PRIM2: variants seen among roughly 807,000 people sequenced by gnomAD.
PRIM2 encodes DNA primase subunit 2, also known as DNA primase large subunit.
In PRIM2, 39 loss-of-function variants were observed where a neutral mutation model predicts 67.3. That is an observed-to-expected ratio of 0.58 (90% CI 0.45 to 0.76). PRIM2 has a LOEUF of 0.76. Ranked by LOEUF, PRIM2 falls within the 30% of genes least tolerant of loss-of-function variation. The probability of loss-of-function intolerance (pLI) is 0.00; values close to 1 mark genes in which losing one functional copy is unlikely to be tolerated. For missense variants in PRIM2, 398 were observed against 598.7 expected (o/e 0.66, Z 3.50); for synonymous variants, 143 against 198.7 (o/e 0.72, Z 2.36).
rs569862305 is a variant in PRIM2 at position 57,397,186 on chromosome 6, G to C, written c.693+15018G>C. ...GTGATGGATTTCCTGGGTATTCTTT[G>C]TGCTTCTTATATTTGGATGTCTAGG... is the stretch of plus-strand genomic sequence containing the variant. On this transcript the variant is annotated intron_variant, in intron 7 of 13. Coordinates refer to ENST00000615550, the MANE Select transcript of PRIM2 (RefSeq NM_000947.5). Among the ~76,000 whole-genome samples, 81 of 152,232 alleles carry C rather than the reference G, an allele frequency of 5.3e-4. 1 individual carries two copies. In the South Asian group the frequency reaches 0.017, roughly 31 times the overall value.
At chr6:57,298,029 A>G in the PRIM2 span, among the ~76,000 whole-genome samples, 1 of 152,162 alleles carries the variant, frequency 6.6e-6, no homozygotes, top group African/African-American at 2.4e-5. Flanking sequence ...CTCACTTTTT[A>G]TACACCTGAA....
chr6:57,571,508 G>A (rs1331142899), intron 10 of PRIM2, among the ~76,000 whole-genome samples: 12 of 151,986 alleles, frequency 7.9e-5, no homozygotes, highest in Non-Finnish European at 1.0e-4. Flanking sequence ...AAAATTAGCC[G>A]GGCATGGTGG....
intron 7 of PRIM2, among the ~76,000 whole-genome samples, chr6:57,500,979 A>G (rs1178255539): frequency 6.6e-5 from 10 of 152,350 alleles, no homozygotes; most frequent in Admixed American, 6.5e-4. Context: ...GATTGAATCC[A>G]AGGAAAGGAT....
At chr6:57,621,165 A>G (rs1776846407) in intron 12 of PRIM2, among the ~76,000 whole-genome samples, 2 of 152,232 alleles carry the variant, frequency 1.3e-5, no homozygotes, top group Admixed American at 1.3e-4. Context: ...TTTATTTCTC[A>G]CAGTTATAGA....
intron 11 of PRIM2, among the ~76,000 whole-genome samples, chr6:57,606,123 A>C (rs1419924983): frequency 5.3e-5 from 8 of 152,342 alleles, no homozygotes; most frequent in Admixed American, 5.2e-4. Context: ...CTTCCTGTTG[A>C]ATGGACATCT....
intron 7 of PRIM2, among the ~76,000 whole-genome samples, chr6:57,389,817 A>G (rs1770270905): frequency 6.6e-6 from 1 of 152,076 alleles, no homozygotes; most frequent in Admixed American, 6.6e-5. Context: ...GATTAAATAT[A>G]ATTAATTTTC....
chr6:57,466,629 G>A (rs1359745550), intron 7 of PRIM2, among the ~76,000 whole-genome samples: 1 of 152,200 alleles, frequency 6.6e-6, no homozygotes, highest in Non-Finnish European at 1.5e-5. Context: ...CTTTTGAGAA[G>A]TGTCTGTTCA....
chr6:57,555,325 G>T (rs1445280365), intron 10 of PRIM2, among the ~76,000 whole-genome samples: 14 of 152,062 alleles, frequency 9.2e-5, no homozygotes, highest in African/African-American at 3.4e-4. Flanking sequence ...TGTCATCCAG[G>T]CGGGAGCGCA....
At position 57,646,188 on chromosome 6, in the gene PRIM2, C is replaced by A; in HGVS notation, c.*30C>A. The stretch of plus-strand genomic sequence containing the variant: ...TTTTATAACCCTTTTTCCTCAATAG[C>A]CTGTTTCCTGTTTTTAAGATTTTGC... On this transcript the variant is annotated 3_prime_UTR_variant, in exon 14 of 14. Coordinates refer to ENST00000615550, the MANE Select transcript of PRIM2 (RefSeq NM_000947.5). 7.2e-7 allele frequency: 1 copy of A among 1,386,564 alleles called. No individual in the cohort carries two copies. The highest frequency in any genetic ancestry group is 1.0e-6 in the Non-Finnish European group (1 of 986,216). The allele number at this position is 1,386,564 out of a possible 1,614,324, so 85.9% of individuals were successfully genotyped here.
the PRIM2 span, among the ~76,000 whole-genome samples, chr6:57,257,325 G>C: frequency 6.7e-6 from 1 of 149,470 alleles, no homozygotes; most frequent in Non-Finnish European, 1.5e-5. Flanking sequence ...AGGCTGGAGT[G>C]CAATGGCGCA....
chr6:57,374,418 C>G (rs62418007), intron 5 of PRIM2, among the ~76,000 whole-genome samples: 1 of 146,244 alleles, frequency 6.8e-6, no homozygotes, highest in African/African-American at 2.5e-5. Flanking sequence ...CTCAGCCTCC[C>G]GTGTAGCTGG....
the PRIM2 span, among the ~76,000 whole-genome samples, chr6:57,297,432 A>C: frequency 6.6e-6 from 1 of 152,178 alleles, no homozygotes; most frequent in Non-Finnish European, 1.5e-5. Flanking sequence ...TGGGTGACAG[A>C]GCAAGACTCT....
chr6:57,524,472 C>G (rs1482860343), intron 8 of PRIM2, among the ~76,000 whole-genome samples: 1 of 152,024 alleles, frequency 6.6e-6, no homozygotes, highest in Non-Finnish European at 1.5e-5. Context: ...GAGGCCGAGG[C>G]GGGCTGATCA....
At chr6:57,555,030 T>A (rs1368278791) in intron 10 of PRIM2, among the ~76,000 whole-genome samples, 1 of 152,216 alleles carries the variant, frequency 6.6e-6, no homozygotes, top group Non-Finnish European at 1.5e-5. Flanking sequence ...ATTGTCTGCT[T>A]TATTTGTAGG....
intron 5 of PRIM2, among the ~76,000 whole-genome samples, chr6:57,378,523 C>A (rs1212781802): frequency 1.8e-4 from 28 of 151,836 alleles, no homozygotes; most frequent in Non-Finnish European, 3.8e-4. Flanking sequence ...TTTTTCTATA[C>A]CTTGTTATAA....
chr6:57,238,271 C>T, the PRIM2 span, among the ~76,000 whole-genome samples: 1 of 152,206 alleles, frequency 6.6e-6, no homozygotes, highest in African/African-American at 2.4e-5. Flanking sequence ...TTCTTCTCAG[C>T]ACCACATCAC....
At chr6:57,225,063 A>G in the PRIM2 span, among the ~76,000 whole-genome samples, 17 of 152,114 alleles carry the variant, frequency 1.1e-4, no homozygotes, top group Non-Finnish European at 2.1e-4. Flanking sequence ...CTCGGCCACA[A>G]TTTACCACCT....
At chr6:57,345,118 A>G (rs143113342) in intron 5 of PRIM2, among the ~76,000 whole-genome samples, 7 of 149,270 alleles carry the variant, frequency 4.7e-5, no homozygotes, top group Non-Finnish European at 8.9e-5. Flanking sequence ...ACACAGAGCT[A>G]TGTCCTATTT....
At chr6:57,509,038 A>G (rs1428942785) in intron 8 of PRIM2, among the ~76,000 whole-genome samples, 1 of 152,040 alleles carries the variant, frequency 6.6e-6, no homozygotes, top group Non-Finnish European at 1.5e-5. Flanking sequence ...TACTTTCACC[A>G]GAAAGTTTTA....
Sources: gnomAD v4.1 joint callset for allele counts (sites outside exome capture counted in the v4.1 genomes callset) on GRCh38, gnomAD v4.1.1 for gene constraint, MANE v1.5 for transcripts, NCBI Gene and HGNC (gene_info 2026-07-23, HGNC 2026-07-21) for gene names.